Variants in ENOX2 observed in about 807,000 individuals in gnomAD.
ENOX2 encodes the protein APK1 antigen.
ENOX2 carries 36 observed loss-of-function variants against 45.0 expected under a neutral mutation model. That is an observed-to-expected ratio of 0.80 (90% CI 0.61 to 1.06). The LOEUF (loss-of-function observed/expected upper bound fraction) is 1.06, where lower values mean the gene tolerates loss of function less well. ENOX2 is among the 50% of genes least tolerant of loss of function. ENOX2 has a pLI of 0.00. For synonymous variants in ENOX2, 174 were observed against 152.3 expected (o/e 1.14, Z -1.05); for missense variants, 423 against 462.5 (o/e 0.91, Z 0.78).
intron 13 of ENOX2, among the ~76,000 whole-genome samples, chrX:130,628,454 G>A (rs928055644): frequency 5.3e-5 from 6 of 112,566 alleles, no homozygotes; most frequent in Admixed American, 2.8e-4. Flanking sequence ...ACACTGTGCT[G>A]GGCTTTTGCA....
intron 9 of ENOX2, among the ~76,000 whole-genome samples, chrX:130,658,338 T>A (rs1401805992): frequency 9.0e-6 from 1 of 111,181 alleles, no homozygotes. Context: ...ATGTATCCAA[T>A]CTGAAGAACA....
chrX:130,725,824 T>C (rs894373907), intron 3 of ENOX2, among the ~76,000 whole-genome samples: 4 of 111,480 alleles, frequency 3.6e-5, no homozygotes, highest in African/African-American at 9.8e-5. Flanking sequence ...TAGCTTATTG[T>C]GAGTAGACAC....
In ENOX2 at chrX:130,670,217, G is replaced by A. The variant is rs752687396; in HGVS notation, c.461-19C>T. On this transcript the variant is annotated intron_variant, in intron 6 of 14. Coordinates refer to ENST00000394363, the MANE Select transcript of ENOX2 (RefSeq NM_006375.4). ...CGGTAACCTAAGTCCACAGGAGGGT[G>A]AAAGGGAGAGGAGAGAGGGAGAGAA... 9 of 1,084,842 alleles carry A rather than the reference G, an allele frequency of 8.3e-6. No homozygotes were observed. In the Middle Eastern group the frequency reaches 8.0e-4, roughly 97 times the overall value. The allele number at this position is 1,084,842 out of a possible 1,213,427, so 89.4% of individuals were successfully genotyped here. A position where few individuals can be genotyped will look rare whatever the true frequency, so the allele number is the denominator to read the frequency against.
rs374558929 is a variant in ENOX2, at chrX:130,709,120, C to T, written c.-38-5866G>A. 1.6e-3 allele frequency: 829 copies of T among 526,722 alleles called. 4 individuals carry two copies. Among genetic ancestry groups the T allele is most frequent in the South Asian group, 9.8e-3 (267 of 27,139 alleles). The allele number at this position is 526,722 out of a possible 1,213,427, so 43.4% of individuals were successfully genotyped here. On this transcript the variant is annotated intron_variant, in intron 3 of 14. Coordinates refer to ENST00000394363, the MANE Select transcript of ENOX2 (RefSeq NM_006375.4). ...TATTTGTTAATTCCTTGAGGCCAGGCGACACAAACCTCATTTACTTCTGCA... is the reference window on the plus strand; with the variant it reads ...TATTTGTTAATTCCTTGAGGCCAGGTGACACAAACCTCATTTACTTCTGCA...
chrX:130,723,464 T>C (rs2038530808), intron 3 of ENOX2, among the ~76,000 whole-genome samples: 1 of 112,402 alleles, frequency 8.9e-6, no homozygotes, highest in Admixed American at 9.4e-5. Flanking sequence ...CATCTCTGCT[T>C]TTCTTTCTTT....
At chrX:130,642,019 C>T (rs745634908) in intron 10 of ENOX2, among the ~76,000 whole-genome samples, 81 of 112,203 alleles carry the variant, frequency 7.2e-4, no homozygotes, top group Non-Finnish European at 1.3e-3. Context: ...AGAAGTCATT[C>T]TGACTTTCAA....
At chrX:130,742,050 T>C (rs1335976120) in intron 3 of ENOX2, among the ~76,000 whole-genome samples, 2 of 111,268 alleles carry the variant, frequency 1.8e-5, no homozygotes, top group East Asian at 5.6e-4. Context: ...TGTACCATTT[T>C]TCTTATGTTT....
At chrX:130,838,993 C>CCA (rs2148498786) in intron 2 of ENOX2, among the ~76,000 whole-genome samples, 1 of 111,936 alleles carries the variant, frequency 8.9e-6, no homozygotes, top group South Asian at 3.8e-4. Context: ...CTAATTCCTG[C>CCA]CACACACACT....
chrX:130,634,345 C>T (rs1332688885), intron 12 of ENOX2, among the ~76,000 whole-genome samples: 2 of 111,847 alleles, frequency 1.8e-5, no homozygotes, highest in Non-Finnish European at 3.8e-5. Flanking sequence ...ATAGAATGGG[C>T]ACCTGATTCA....
At chrX:130,638,273 G>A (rs2148034412) in intron 10 of ENOX2, among the ~76,000 whole-genome samples, 1 of 109,218 alleles carries the variant, frequency 9.2e-6, no homozygotes, top group South Asian at 4.0e-4. Flanking sequence ...TTGCCATATT[G>A]GCCAGGCTGG....
At chrX:130,661,363 A>G (rs141574228) in intron 9 of ENOX2, among the ~76,000 whole-genome samples, 1,704 of 109,412 alleles carry the variant, frequency 0.016, 15 homozygotes, top group Non-Finnish European at 0.022. Flanking sequence ...TAATTTTTGT[A>G]TTTTTGGTAG....
chrX:130,896,028 T>A (rs1204796415), intron 2 of ENOX2, among the ~76,000 whole-genome samples: 2 of 112,636 alleles, frequency 1.8e-5, no homozygotes, highest in Non-Finnish European at 3.7e-5. Context: ...TTTCTTTTTT[T>A]AAACTAAGTC....
chrX:130,635,051 G>T lies in ENOX2; in HGVS notation c.1352C>A (p.Ala451Asp), dbSNP rs2148025172. The change falls in exon 12 of 15, where the codon GCT becomes GAT. Residue 451 changes from alanine (A) to aspartate (D), a missense_variant. By Grantham distance (126) the Ala-to-Asp change is moderately radical. Around this residue, in one of 5 missense-constraint regions of ENOX2, gnomAD observed 108 missense variants for 70.6 expected, o/e 1.53. Coordinates refer to ENST00000394363, the MANE Select transcript of ENOX2 (RefSeq NM_006375.4). ...GTCATCTTTGAGTTTTTCAAGTTCA[G>T]CTTCTTTCTTTTTGTATTCCTCTTG... ...KVQEEYKKKE[A>D]ELEKLKDDKL... The T allele has an allele frequency of 8.4e-7, 1 of 1,190,461 alleles. No individual in the cohort carries two copies. The highest frequency in any genetic ancestry group is 1.1e-6 in the Non-Finnish European group (1 of 878,529).
rs759743946 is a variant in ENOX2, at chrX:130,898,369, G to A, written c.-183+3315C>T. Reference sequence around the variant, plus strand: ...GATTAGAAAATAAAAATACGCAAAAGGTTAAAAGTAGAAGTCATATGCAAT... The same window carrying A: ...GATTAGAAAATAAAAATACGCAAAAAGTTAAAAGTAGAAGTCATATGCAAT... On this transcript the variant is annotated intron_variant, in intron 2 of 14. Transcript: ENST00000394363. 2.0e-4 allele frequency among the ~76,000 whole-genome samples: 22 copies of A among 111,940 alleles called. No individual in the cohort carries two copies. The South Asian group carries it at 7.8e-3, about 40-fold the overall frequency.
At chrX:130,897,147 A>T (rs1166530257) in intron 2 of ENOX2, among the ~76,000 whole-genome samples, 5 of 112,005 alleles carry the variant, frequency 4.5e-5, no homozygotes, top group African/African-American at 1.6e-4. Context: ...GGTTTTCTGT[A>T]GCTCTCTGTT....
At chrX:130,874,012 C>T (rs1202679781) in intron 2 of ENOX2, among the ~76,000 whole-genome samples, 1 of 110,783 alleles carries the variant, frequency 9.0e-6, no homozygotes, top group Non-Finnish European at 1.9e-5. Context: ...CCTGCACGTT[C>T]TGCACATGTA....
At chrX:130,638,462 ACAC>A in intron 10 of ENOX2, among the ~76,000 whole-genome samples, 1 of 110,177 alleles carries the variant, frequency 9.1e-6, no homozygotes, top group African/African-American at 3.3e-5. Flanking sequence ...ACACACACAC[ACAC>A]ACACACGAAT....
intron 2 of ENOX2, among the ~76,000 whole-genome samples, chrX:130,837,088 T>C (rs1306113497): frequency 5.4e-5 from 6 of 112,033 alleles, no homozygotes; most frequent in Admixed American, 4.7e-4. Flanking sequence ...AAGATAAAAT[T>C]GAAAGTGTTG....
Position 130,689,555 on chromosome X carries a change from C to T in ENOX2, c.98-537G>A, listed in dbSNP as rs181012779. On this transcript the variant is annotated intron_variant, in intron 4 of 14. Coordinates refer to ENST00000394363, the MANE Select transcript of ENOX2 (RefSeq NM_006375.4). ...TAAACAAAATGATGAATCTAATATG[C>T]TGAGCATAGGTTTGATAAATAACTA... Among the ~76,000 whole-genome samples the T allele has an allele frequency of 2.4e-4, 27 of 111,989 alleles. No individual in the cohort carries two copies. The East Asian group carries it at 4.5e-3, about 19-fold the overall frequency.
Sources: gnomAD v4.1 joint callset for allele counts (sites outside exome capture counted in the v4.1 genomes callset) on GRCh38, gnomAD v4.1.1 for gene constraint, gnomAD v4.1.1 regional missense constraint, MANE v1.5 for transcripts, NCBI Gene and HGNC (gene_info 2026-07-23, HGNC 2026-07-21) for gene names.